ITGAE: variants seen among roughly 807,000 people sequenced by gnomAD.
ITGAE encodes integrin alpha-E.
Under a neutral mutation model 136.5 loss-of-function variants are expected in ITGAE, and 99 were observed. That is an observed-to-expected ratio of 0.73 (90% CI 0.62 to 0.86). The LOEUF is 0.86. ITGAE is among the 40% of genes least tolerant of loss of function. ITGAE has a pLI of 0.00. For synonymous variants in ITGAE, 613 were observed against 591.8 expected (o/e 1.04, Z -0.52); for missense variants, 1,447 against 1,515.3 (o/e 0.95, Z 0.75).
chr17:3,726,125 C>G, intron 26 of ITGAE: 7 of 1,614,200 alleles, frequency 4.3e-6, no homozygotes, highest in Non-Finnish European at 5.9e-6. Context: ...AGGAGAATAA[C>G]AACCGCTGGG....
At chr17:3,759,137 A>C (rs867899142) in intron 8 of ITGAE, among the ~76,000 whole-genome samples, 9 of 61,304 alleles carry the variant, frequency 1.5e-4, no homozygotes, top group Non-Finnish European at 3.0e-4. Flanking sequence ...AAAAAAAAAC[A>C]AAAAAAAAAA....
chr17:3,780,151 TTTTGTTTG>T (rs759830362), intron 1 of ITGAE, among the ~76,000 whole-genome samples: 2 of 151,090 alleles, frequency 1.3e-5, no homozygotes, highest in South Asian at 4.2e-4. Flanking sequence ...TTTTTGGTTT[TTTTGTTTG>T]TTTGTTTATT....
At chr17:3,775,626 A>AT (rs34720738) in intron 2 of ITGAE, among the ~76,000 whole-genome samples, 19,704 of 143,940 alleles carry the variant, frequency 0.14, 1,611 homozygotes, top group African/African-American at 0.23. Flanking sequence ...CACCCAGCTA[A>AT]TTTTTTTTTT....
chr17:3,800,922 C>T (rs988163649), intron 1 of ITGAE, among the ~76,000 whole-genome samples, 189 bp downstream of exon 1: 1 of 152,194 alleles, frequency 6.6e-6, no homozygotes, highest in South Asian at 2.1e-4. Flanking sequence ...AAGCCTCAGC[C>T]GCCCTTCCCA....
Position 3,767,753 on chromosome 17 carries a change from G to A in ITGAE, c.156-3793C>T, listed in dbSNP as rs373974557. Among the ~76,000 whole-genome samples the A allele has an allele frequency of 5.9e-5, 9 of 151,906 alleles. 2 individuals carry two copies. The highest frequency in any genetic ancestry group is 2.2e-4 in the African/African-American group (9 of 41,436). On this transcript the variant is annotated intron_variant, in intron 2 of 30. Transcript: ENST00000263087. ...TCCTCCTACCTCAGCCTCACAAGTT[G>A]CTGGGCCTACAGGAGCGAGTTACCT...
In ITGAE at chr17:3,785,481, AAGGAAGGAAGGAAGG is replaced by A. The variant is rs1270866092; in HGVS notation, c.35-7836_35-7822del. Among the ~76,000 whole-genome samples, 53 of 137,626 alleles carry A rather than the reference AAGGAAGGAAGGAAGG, an allele frequency of 3.9e-4. 1 individual carries two copies. In the South Asian group the frequency reaches 0.011, roughly 30 times the overall value. 90.3% of individuals were successfully genotyped at this position (137,626 alleles called of 152,430 possible). A position where few individuals can be genotyped will look rare whatever the true frequency, so the allele number is the denominator to read the frequency against. ...AGACTTGGGAAAGAAGAAAGAAAGG[AAGGAAGGAAGGAAGG>A]AGGAAGGAAGGAAGGAAGGAAGGAA... On this transcript the variant is annotated intron_variant, in intron 1 of 30. Coordinates refer to ENST00000263087, the MANE Select transcript of ITGAE (RefSeq NM_002208.5).
chr17:3,800,831 C>CG (rs1339237097), intron 1 of ITGAE, among the ~76,000 whole-genome samples: 4 of 152,222 alleles, frequency 2.6e-5, no homozygotes, highest in East Asian at 1.9e-4. Flanking sequence ...GCCTCGGTGG[C>CG]GGGGGGAGGC....
intron 2 of ITGAE, among the ~76,000 whole-genome samples, chr17:3,764,749 C>G (rs1467431319): frequency 1.3e-5 from 2 of 152,066 alleles, no homozygotes; most frequent in Admixed American, 1.3e-4. Flanking sequence ...GCTGCCTCAG[C>G]CTGATTAAGG....
intron 10 of ITGAE, among the ~76,000 whole-genome samples, chr17:3,756,400 ATTTT>A (rs34579296): frequency 6.7e-5 from 8 of 119,382 alleles, no homozygotes; most frequent in Admixed American, 8.5e-5. Context: ...CGCCTGGCTA[ATTTT>A]TTTTTTTTTT....
chr17:3,756,898 A>C, intron 10 of ITGAE, 86 bp downstream of exon 10: 5 of 1,443,054 alleles, frequency 3.5e-6, no homozygotes, highest in Non-Finnish European at 3.8e-6. Context: ...GGAGTTGCTC[A>C]GAGAAACCAC....
chr17:3,751,506 G>A lies in ITGAE; in HGVS notation c.1893+144C>T. 8.6e-6 allele frequency: 6 copies of A among 697,754 alleles called. No homozygotes were observed. In the South Asian group the frequency reaches 1.1e-4, roughly 13 times the overall value. 43.2% of individuals were successfully genotyped at this position (697,754 alleles called of 1,614,324 possible). A position where few individuals can be genotyped will look rare whatever the true frequency, so the allele number is the denominator to read the frequency against. On this transcript the variant is annotated intron_variant, in intron 15 of 30. Transcript: ENST00000263087. ...TGGTCTGGAAGCTCCCCCTAGCCTGGGGGACTTCTTTCTTTCACTGGGCAT... is the reference window on the plus strand; with the variant it reads ...TGGTCTGGAAGCTCCCCCTAGCCTGAGGGACTTCTTTCTTTCACTGGGCAT...
rs182071167 is a variant in ITGAE, at chr17:3,787,151, G to A, written c.35-9491C>T. 4.2e-3 allele frequency among the ~76,000 whole-genome samples: 632 copies of A among 150,362 alleles called. 6 individuals carry two copies. Among genetic ancestry groups the A allele is most frequent in the African/African-American group, 0.015 (598 of 40,934 alleles). The stretch of plus-strand genomic sequence containing the variant: ...TTTTGAGATGGAGTCTCACTCTGTC[G>A]CCCAGGCTGGAGTGCAGTGGTGTGA... On this transcript the variant is annotated intron_variant, in intron 1 of 30. Transcript: ENST00000263087.
chr17:3,760,107 G>T, intron 7 of ITGAE, 65 bp downstream of exon 7: 2 of 940,622 alleles, frequency 2.1e-6, no homozygotes, highest in Non-Finnish European at 3.4e-6. Flanking sequence ...TGTGGTGATT[G>T]TTGTTCTGAG....
intron 26 of ITGAE, chr17:3,723,945 T>C (rs757401162): frequency 6.4e-7 from 1 of 1,553,916 alleles, no homozygotes; most frequent in Non-Finnish European, 8.7e-7. Context: ...CATGGCGGCT[T>C]CGCTCCCGGG....
rs764375995 is a variant in ITGAE at position 3,753,855 on chromosome 17, ATGT to A, written c.1452_1454del (p.Lys484_His485delinsAsn). ...TCTGGAGCTCAAACACGGCCCCATGATGTTTGTACCGTGGAGCCCCCGCGATGT... is the reference window on the plus strand; with the variant it reads ...TCTGGAGCTCAAACACGGCCCCATGATTGTACCGTGGAGCCCCCGCGATGT... On this transcript the variant is annotated inframe_deletion, in exon 13 of 31. Transcript: ENST00000263087. 1 of 1,614,096 alleles carries A rather than the reference ATGT, an allele frequency of 6.2e-7. No homozygotes were observed. The highest frequency in any genetic ancestry group is 1.1e-5 in the South Asian group (1 of 91,090).
chr17:3,750,387 G>T lies in ITGAE; in HGVS notation c.1989C>A (p.Ile663=). The change falls in exon 16 of 31, where the codon ATC becomes ATA. Residue 663 remains isoleucine (I), a synonymous_variant. Coordinates refer to ENST00000263087, the MANE Select transcript of ITGAE (RefSeq NM_002208.5). The part of the protein sequence containing the change: ...FDISGDGLAD[I]TVGTLGQAVV... ...CCGCCTGGCCCAGAGTGCCCACGGT[G>T]ATGTCGGCAAGGCCGTCGCCACTAA... The T allele has an allele frequency of 6.2e-7, 1 of 1,614,194 alleles. No homozygotes were observed. Among genetic ancestry groups the T allele is most frequent in the Non-Finnish European group, 8.5e-7 (1 of 1,180,046 alleles).
Position 3,757,796 on chromosome 17 carries a change from G to A in ITGAE, c.930C>T (p.Leu310=). 2 of 1,614,166 alleles carry A rather than the reference G, an allele frequency of 1.2e-6. No individual in the cohort carries two copies. The highest frequency in any genetic ancestry group is 1.7e-6 in the Non-Finnish European group (2 of 1,180,028). The part of the protein sequence containing the change: ...RRKASKVMVV[L]TDGGIFEDPL... ...GGTCCTCGAATATGCCACCATCGGT[G>A]AGCACCACCATGACCTTGGATGCCT... Residue 310 remains leucine (L), a synonymous_variant, in exon 9 of 31, where the codon CTC becomes CTT. Transcript: ENST00000263087.
intron 19 of ITGAE, among the ~76,000 whole-genome samples, chr17:3,742,825 T>A (rs1204985833): frequency 6.6e-6 from 1 of 152,164 alleles, no homozygotes; most frequent in Non-Finnish European, 1.5e-5. Flanking sequence ...CCAATTTTTG[T>A]ATTTTTAGTA....
chr17:3,773,815 C>G (rs1486520580), intron 2 of ITGAE, among the ~76,000 whole-genome samples: 3 of 152,168 alleles, frequency 2.0e-5, no homozygotes, highest in Admixed American at 2.0e-4. Context: ...GACCAGCCCC[C>G]ATTTTGAAGC....
Sources: allele counts gnomAD v4.1 joint callset (sites outside exome capture counted in the v4.1 genomes callset), GRCh38; gene constraint gnomAD v4.1.1; transcripts MANE v1.5; gene names NCBI Gene and HGNC (gene_info 2026-07-23, HGNC 2026-07-21).